DENR: variants seen among roughly 807,000 people sequenced by gnomAD.
DENR encodes density-regulated protein.
In DENR, 6 loss-of-function variants were observed where a neutral mutation model predicts 30.6. The observed-to-expected ratio is 0.20, with a 90% CI of 0.11 to 0.39. The LOEUF (loss-of-function observed/expected upper bound fraction) is 0.39, where lower values mean the gene tolerates loss of function less well. Among genes scored for constraint, DENR ranks in the 10% least tolerant of loss-of-function variants. The pLI is 1.00. For synonymous variants in DENR, 78 were observed against 72.1 expected, an observed-to-expected ratio of 1.08 and a Z score of -0.41; for missense variants, 141 against 230.9, an observed-to-expected ratio of 0.61 and a Z score of 2.52.
rs747239730 is a variant in DENR at position 122,769,514 on chromosome 12, C to CTCTCTCTCTCT, written c.*437_*438insCTCTCTCTCTT. Reference sequence around the variant, plus strand: ...TGACTTTCTCTCTCTCTCTCTCTCTCTTTTTTTTTTTTGACAGAGTCTCGC... The same window carrying CTCTCTCTCTCT: ...TGACTTTCTCTCTCTCTCTCTCTCTCTCTCTCTCTCTTTTTTTTTTTTTGACAGAGTCTCGC... On this transcript the variant is annotated 3_prime_UTR_variant, in exon 8 of 8. Coordinates refer to ENST00000280557, the MANE Select transcript of DENR (RefSeq NM_003677.5). The CTCTCTCTCTCT allele has an allele frequency of 4.0e-6, 2 of 503,916 alleles. No homozygotes were observed. The highest frequency in any genetic ancestry group is 4.4e-5 in the African/African-American group (2 of 45,806). 31.2% of individuals were successfully genotyped at this position (503,916 alleles called of 1,614,324 possible). A position where few individuals can be genotyped will look rare whatever the true frequency, so the allele number is the denominator to read the frequency against.
chr12:122,756,639 G>A (rs1878557592), intron 2 of DENR, among the ~76,000 whole-genome samples: 1 of 152,226 alleles, frequency 6.6e-6, no homozygotes, highest in Non-Finnish European at 1.5e-5. Flanking sequence ...AGGCAAAGGA[G>A]TGGAGGTAGG....
chr12:122,763,930 G>A (rs1439809496), intron 4 of DENR, among the ~76,000 whole-genome samples: 5 of 152,122 alleles, frequency 3.3e-5, no homozygotes, highest in Non-Finnish European at 7.4e-5. Context: ...TGGTGGGAAG[G>A]AATTTGAAAT....
At chr12:122,759,997 A>G (rs1878652456) in intron 2 of DENR, among the ~76,000 whole-genome samples, 1 of 152,172 alleles carries the variant, frequency 6.6e-6, no homozygotes, top group Non-Finnish European at 1.5e-5. Context: ...TTGTCATTGT[A>G]TGAGCTGTTT....
rs749337271 is a variant in DENR, at chr12:122,753,776, C to T, written c.75C>T (p.Ala25=). The T allele has an allele frequency of 3.1e-5, 50 of 1,613,784 alleles. No individual in the cohort carries two copies. Among genetic ancestry groups the T allele is most frequent in the Non-Finnish European group, 3.9e-5 (46 of 1,179,866 alleles). ...CAAGGAACAGTGCCAAGTTAGATGC[C>T]GATTACCCACTTCGAGTCCTTTATT... ...GDPRNSAKLD[A]DYPLRVLYCG... Residue 25 remains alanine (A), a synonymous_variant, in exon 2 of 8, where the codon GCC becomes GCT. Coordinates refer to ENST00000280557, the MANE Select transcript of DENR (RefSeq NM_003677.5).
In DENR at chr12:122,768,905, A is replaced by C; in HGVS notation, c.536A>C (p.Gln179Pro). The C allele has an allele frequency of 1.2e-6, 2 of 1,612,084 alleles. No individual in the cohort carries two copies. Among genetic ancestry groups the C allele is most frequent in the Non-Finnish European group, 1.7e-6 (2 of 1,179,146 alleles). The change falls in exon 7 of 8, where the codon CAG becomes CCG. Residue 179 changes from glutamine to proline, a missense_variant. Gln to Pro is a moderately conservative substitution (Grantham distance 76). Transcript: ENST00000280557. ...DFTDDIIDVI[Q>P]EKWPEVDDDS... Reference sequence around the variant, plus strand: ...ACAGATGACATAATTGATGTCATTCAGGAAAAATGGCCAGAGGTGAGTGCA... The same window carrying C: ...ACAGATGACATAATTGATGTCATTCCGGAAAAATGGCCAGAGGTGAGTGCA...
At chr12:122,767,395 GAAACTT>G in intron 5 of DENR, 87 bp from the exon 6 acceptor site, 2 of 820,352 alleles carry the variant, frequency 2.4e-6, no homozygotes, top group Non-Finnish European at 3.7e-6. Flanking sequence ...TAGAGAAAAA[GAAACTT>G]AAACCTTTTG....
chr12:122,762,682 G>A (rs1878734197), intron 3 of DENR, among the ~76,000 whole-genome samples, 163 bp from the exon 4 acceptor site: 1 of 152,162 alleles, frequency 6.6e-6, no homozygotes, highest in Admixed American at 6.5e-5. Flanking sequence ...ATTTTTTATG[G>A]GACATATCGT....
chr12:122,752,881 A>G lies in DENR; in HGVS notation c.-79A>G, dbSNP rs1457143244. On this transcript the variant is annotated 5_prime_UTR_variant, in exon 1 of 8. Coordinates refer to ENST00000280557, the MANE Select transcript of DENR (RefSeq NM_003677.5). ...TCGGGCGGCCCTGGCCGGGGAGACGAGTTGCATGTGTTGGTTCAGCTGGCG... is the reference window on the plus strand; with the variant it reads ...TCGGGCGGCCCTGGCCGGGGAGACGGGTTGCATGTGTTGGTTCAGCTGGCG... 2 of 152,494 alleles carry G rather than the reference A, an allele frequency of 1.3e-5. No homozygotes were observed. The highest frequency in any genetic ancestry group is 4.8e-5 in the African/African-American group (2 of 41,470). 9.4% of individuals were successfully genotyped at this position (152,494 alleles called of 1,614,324 possible). A position where few individuals can be genotyped will look rare whatever the true frequency, so the allele number is the denominator to read the frequency against.
chr12:122,758,311 C>T (rs1325492859), intron 2 of DENR, among the ~76,000 whole-genome samples: 1 of 152,142 alleles, frequency 6.6e-6, no homozygotes, highest in Admixed American at 6.6e-5. Flanking sequence ...ACCTTGTGAT[C>T]CACCCGCCTC....
intron 1 of DENR, 135 bp from the exon 2 acceptor site, chr12:122,753,558 A>G: frequency 1.5e-6 from 1 of 666,840 alleles, no homozygotes; most frequent in Non-Finnish European, 2.7e-6. Context: ...TATGAATCGA[A>G]TGCAGCTTGT....
intron 4 of DENR, 59 bp downstream of exon 4, chr12:122,762,988 C>A: frequency 1.1e-6 from 1 of 940,410 alleles, no homozygotes; most frequent in Non-Finnish European, 1.6e-6. Flanking sequence ...GCATGTATGG[C>A]ATTATTCTAA....
rs773681727 is a variant in DENR, at chr12:122,753,718, C to A, written c.17C>A (p.Ser6Tyr). The change falls in exon 2 of 8, where the codon TCT becomes TAT. Residue 6 changes from serine to tyrosine, a missense_variant. Ser to Tyr is a moderately radical substitution (Grantham distance 144, BLOSUM62 -2). Around this residue, in one of 2 missense-constraint regions of DENR, gnomAD observed 104 missense variants for 138.3 expected, o/e 0.75. Coordinates refer to ENST00000280557, the MANE Select transcript of DENR (RefSeq NM_003677.5). Reference protein sequence around the residue: MAADISESSGADCKGD... With the variant: MAADIYESSGADCKGD... The stretch of plus-strand genomic sequence containing the variant: ...GTTTGTGAAATGGCTGCTGACATTT[C>A]TGAATCCAGCGGGGCTGACTGCAAA... 1 of 1,613,970 alleles carries A rather than the reference C, an allele frequency of 6.2e-7. No homozygotes were observed. Among genetic ancestry groups the A allele is most frequent in the South Asian group, 1.1e-5 (1 of 91,082 alleles).
Position 122,770,229 on chromosome 12 carries a change from C to A in DENR, c.*1151C>A, listed in dbSNP as rs1304570053. The A allele has an allele frequency of 6.3e-6, 1 of 158,812 alleles. No individual in the cohort carries two copies. The highest frequency in any genetic ancestry group is 1.4e-5 in the Non-Finnish European group (1 of 72,494). The allele number at this position is 158,812 out of a possible 1,614,324, so 9.8% of individuals were successfully genotyped here. A position where few individuals can be genotyped will look rare whatever the true frequency, so the allele number is the denominator to read the frequency against. The stretch of plus-strand genomic sequence containing the variant: ...CATAAAACTTATGGATGAAAGTATT[C>A]ATCACAATATTATTTATAATAAAAA... On this transcript the variant is annotated 3_prime_UTR_variant, in exon 8 of 8. Coordinates refer to ENST00000280557, the MANE Select transcript of DENR (RefSeq NM_003677.5).
Position 122,753,753 on chromosome 12 carries a change from A to G in DENR, c.52A>G (p.Arg18Gly). 1 of 1,614,080 alleles carries G rather than the reference A, an allele frequency of 6.2e-7. No homozygotes were observed. Reference protein sequence around the residue: ...SSGADCKGDPRNSAKLDADYP... With the variant: ...SSGADCKGDPGNSAKLDADYP... ...CGGGGCTGACTGCAAAGGAGACCCA[A>G]GGAACAGTGCCAAGTTAGATGCCGA... is the stretch of plus-strand genomic sequence containing the variant. Residue 18 changes from arginine to glycine, a missense_variant, in exon 2 of 8, where the codon AGG (arginine) becomes GGG (glycine). Physicochemically the swap from Arg to Gly is moderately radical, Grantham distance 125. Around this residue, in one of 2 missense-constraint regions of DENR, gnomAD observed 104 missense variants for 138.3 expected, o/e 0.75. Transcript: ENST00000280557.
At chr12:122,765,539 C>G (rs1566060616) in intron 5 of DENR, among the ~76,000 whole-genome samples, 152 bp downstream of exon 5, 1 of 152,114 alleles carries the variant, frequency 6.6e-6, no homozygotes. Context: ...ATCACTTAAG[C>G]CCAGGAGTTC....
intron 4 of DENR, among the ~76,000 whole-genome samples, chr12:122,764,891 G>A (rs1033455842): frequency 1.3e-5 from 2 of 152,168 alleles, no homozygotes; most frequent in Non-Finnish European, 2.9e-5. Flanking sequence ...GAACCCTCAA[G>A]TCTGGTTTTA....
At chr12:122,756,531 T>G (rs1263682652) in intron 2 of DENR, among the ~76,000 whole-genome samples, 1 of 152,014 alleles carries the variant, frequency 6.6e-6, no homozygotes, top group Non-Finnish European at 1.5e-5. Context: ...TTGTAGGAAA[T>G]TAGGGGAAGA....
intron 2 of DENR, among the ~76,000 whole-genome samples, chr12:122,755,251 C>G (rs1029838089): frequency 6.6e-6 from 1 of 152,164 alleles, no homozygotes; most frequent in African/African-American, 2.4e-5. Context: ...ATGTCAGTCT[C>G]TAGAAATCTT....
At chr12:122,755,113 C>T (rs1336701884) in intron 2 of DENR, among the ~76,000 whole-genome samples, 1 of 152,118 alleles carries the variant, frequency 6.6e-6, no homozygotes, top group Admixed American at 6.5e-5. Context: ...AGTATATGAG[C>T]TTTTCTAAGG....
Sources: gnomAD v4.1 joint callset for allele counts (sites outside exome capture counted in the v4.1 genomes callset) on GRCh38, gnomAD v4.1.1 for gene constraint, gnomAD v4.1.1 regional missense constraint, MANE v1.5 for transcripts, NCBI Gene and HGNC (gene_info 2026-07-23, HGNC 2026-07-21) for gene names.